Variants in XPO6 observed in about 807,000 individuals in gnomAD.
XPO6 encodes the protein exportin-6.
XPO6 carries 3 observed loss-of-function variants against 130.0 expected under a neutral mutation model. That is an observed-to-expected ratio of 0.02 (90% confidence interval 0.01 to 0.06). The LOEUF is 0.06. Among genes scored for constraint, XPO6 ranks in the 10% least tolerant of loss-of-function variants. The pLI, the probability that XPO6 is intolerant of heterozygous loss-of-function variation, is 1.00. For missense variants in XPO6, 970 were observed against 1,393.0 expected, an observed-to-expected ratio of 0.70 and a Z score of 4.83; for synonymous variants, 524 against 548.9, an observed-to-expected ratio of 0.95 and a Z score of 0.63.
intron 1 of XPO6, among the ~76,000 whole-genome samples, chr16:28,192,546 T>A (rs1369711246): frequency 6.6e-6 from 1 of 152,112 alleles, no homozygotes; most frequent in Non-Finnish European, 1.5e-5. Flanking sequence ...AGGACACAGC[T>A]AAGGACAGGC....
chr16:28,175,587 G>A (rs953945191), intron 4 of XPO6, among the ~76,000 whole-genome samples: 6 of 152,004 alleles, frequency 3.9e-5, no homozygotes, highest in Admixed American at 6.6e-5. Context: ...CCCACTAAAC[G>A]CCGAAACTAC....
intron 11 of XPO6, among the ~76,000 whole-genome samples, chr16:28,133,338 CA>C (rs11399806): frequency 0.26 from 37,477 of 141,790 alleles, 4,710 homozygotes; most frequent in African/African-American, 0.32. Flanking sequence ...GACTCCGTCT[CA>C]AAAAAAAAAA....
chr16:28,139,942 C>T (rs2042855641), intron 9 of XPO6, among the ~76,000 whole-genome samples: 1 of 152,188 alleles, frequency 6.6e-6, no homozygotes, highest in Non-Finnish European at 1.5e-5. Flanking sequence ...ATAAAGACAA[C>T]ATGTACAGGC....
chr16:28,111,203 T>TA (rs1365174878), intron 17 of XPO6: 1 of 152,312 alleles, frequency 6.6e-6, no homozygotes, highest in Non-Finnish European at 1.5e-5. Context: ...TGGCACCATC[T>TA]AATAATGTTC....
chr16:28,204,504 G>A (rs1052536815), intron 1 of XPO6, among the ~76,000 whole-genome samples: 2 of 152,040 alleles, frequency 1.3e-5, no homozygotes, highest in Non-Finnish European at 2.9e-5. Flanking sequence ...GAAGACCGAG[G>A]GAGCTGCAGC....
At chr16:28,189,602 C>T (rs78037575) in intron 1 of XPO6, among the ~76,000 whole-genome samples, 981 of 37,116 alleles carry the variant, frequency 0.026, 9 homozygotes, top group Non-Finnish European at 0.038. Context: ...AAAAAAATGT[C>T]TTCTACTGAA....
At chr16:28,173,757 T>C (rs1200398771) in intron 4 of XPO6, among the ~76,000 whole-genome samples, 2 of 152,180 alleles carry the variant, frequency 1.3e-5, no homozygotes, top group African/African-American at 4.8e-5. Flanking sequence ...TGGAGAACAG[T>C]GGACAATTAG....
chr16:28,207,163 G>C (rs2141918452), intron 1 of XPO6, among the ~76,000 whole-genome samples: 1 of 151,816 alleles, frequency 6.6e-6, no homozygotes, highest in South Asian at 2.1e-4. Flanking sequence ...CAGGAGAATT[G>C]CTTGAACCTG....
intron 11 of XPO6, among the ~76,000 whole-genome samples, chr16:28,133,106 G>A (rs914642390): frequency 3.3e-5 from 5 of 152,246 alleles, no homozygotes; most frequent in African/African-American, 1.2e-4. Context: ...GGGAGGCAGA[G>A]GCGGGCAGAC....
At chr16:28,109,684 C>T (rs1229737806) in intron 17 of XPO6, among the ~76,000 whole-genome samples, 2 of 152,172 alleles carry the variant, frequency 1.3e-5, no homozygotes, top group Non-Finnish European at 2.9e-5. Context: ...GCATGCTCTT[C>T]TGGATCAAAG....
chr16:28,106,120 G>C lies in XPO6; in HGVS notation c.2707C>G (p.Pro903Ala). ...LKILQVVVQE[P>A]GQVFKPFLPS... ...AGGAAGGGCTTGAACACCTGGCCTG[G>C]CTCCTGGACCACCACCTGCAGGATC... The change falls in exon 20 of 24, where the codon CCA becomes GCA. Residue 903 changes from proline (P) to alanine (A), a missense_variant. Transcript: ENST00000304658. This position sits in a 1 kb window ranked among gnomAD's most constrained non-coding sequence, Gnocchi z 4.2. 8 of 1,614,216 alleles carry C rather than the reference G, an allele frequency of 5.0e-6. No homozygotes were observed. The highest frequency in any genetic ancestry group is 6.8e-6 in the Non-Finnish European group (8 of 1,180,050).
rs574373379 is a variant in XPO6, at chr16:28,130,281, G to C, written c.1606+2053C>G. On this transcript the variant is annotated intron_variant, in intron 12 of 23. Transcript: ENST00000304658. ...CCAGGAGTAGACAAGAATCGCGGCT[G>C]GCGCCCATTTACACAGGCTCCAGAG... Among the ~76,000 whole-genome samples, 16 of 152,364 alleles carry C rather than the reference G, an allele frequency of 1.1e-4. No homozygotes were observed. The South Asian group carries it at 3.3e-3, about 32-fold the overall frequency.
intron 12 of XPO6, among the ~76,000 whole-genome samples, chr16:28,131,096 T>C (rs1223475747): frequency 1.3e-5 from 2 of 152,254 alleles, no homozygotes; most frequent in South Asian, 2.1e-4. Flanking sequence ...TTTTCATTAG[T>C]GGTGACAGCA....
At chr16:28,098,696 A>G in intron 23 of XPO6, 57 bp from the exon 24 acceptor site, 1 of 1,320,692 alleles carries the variant, frequency 7.6e-7, no homozygotes, top group South Asian at 1.3e-5. Context: ...CACCCACCAG[A>G]CCCCAACAGC....
intron 23 of XPO6, among the ~76,000 whole-genome samples, chr16:28,099,592 G>A (rs769785645): frequency 4.3e-4 from 66 of 152,216 alleles, no homozygotes; most frequent in Non-Finnish European, 7.5e-4. Flanking sequence ...TCTGTGAACT[G>A]CTCACCTTCT....
chr16:28,122,223 G>A (rs2087261045), intron 13 of XPO6, among the ~76,000 whole-genome samples: 1 of 152,110 alleles, frequency 6.6e-6, no homozygotes, highest in African/African-American at 2.4e-5. Flanking sequence ...GGGGAGGATA[G>A]AGTGGGTAGA....
At chr16:28,123,721 A>G (rs1340061393) in intron 13 of XPO6, among the ~76,000 whole-genome samples, 1 of 152,174 alleles carries the variant, frequency 6.6e-6, no homozygotes, top group Non-Finnish European at 1.5e-5. Flanking sequence ...AAAACAATAT[A>G]CCAATATGCA....
intron 12 of XPO6, among the ~76,000 whole-genome samples, chr16:28,126,275 G>C (rs575828916): frequency 6.6e-6 from 1 of 152,150 alleles, no homozygotes; most frequent in Non-Finnish European, 1.5e-5. Context: ...CTCCAAATCT[G>C]GTTCCTTTAG....
At chr16:28,099,246 G>T (rs1460136098) in intron 23 of XPO6, among the ~76,000 whole-genome samples, 1 of 152,228 alleles carries the variant, frequency 6.6e-6, no homozygotes, top group Non-Finnish European at 1.5e-5. Flanking sequence ...CCCTGGGCCA[G>T]AAGTGAGGCC....
Sources: allele counts gnomAD v4.1 joint callset (sites outside exome capture counted in the v4.1 genomes callset), GRCh38; gene constraint gnomAD v4.1.1; non-coding constraint Gnocchi (gnomAD v3.1); transcripts MANE v1.5; gene names NCBI Gene and HGNC (gene_info 2026-07-23, HGNC 2026-07-21).